CBFA2T3: variants seen among roughly 807,000 people sequenced by gnomAD.
CBFA2T3 encodes the protein CBFA2/RUNX1 partner transcriptional co-repressor 3, also known as transcriptional corepressor CBFA2T3.
CBFA2T3 carries 31 observed loss-of-function variants against 58.6 expected under a neutral mutation model. The observed-to-expected ratio is 0.53, with a 90% CI of 0.40 to 0.71. The LOEUF (loss-of-function observed/expected upper bound fraction) is 0.71, where lower values mean the gene tolerates loss of function less well. Ranked by LOEUF, CBFA2T3 falls within the 30% of genes least tolerant of loss-of-function variation. The pLI, the probability that CBFA2T3 is intolerant of heterozygous loss-of-function variation, is 0.00. For missense variants in CBFA2T3, 1,076 were observed against 963.1 expected, an observed-to-expected ratio of 1.12 and a Z score of -1.55; for synonymous variants, 531 against 421.9, an observed-to-expected ratio of 1.26 and a Z score of -3.17.
In CBFA2T3 at chr16:88,881,379, G is replaced by A; in HGVS notation, c.1314C>T (p.Tyr438=). 1.9e-6 allele frequency: 3 copies of A among 1,595,162 alleles called. No individual in the cohort carries two copies. Among genetic ancestry groups the A allele is most frequent in the Non-Finnish European group, 2.6e-6 (3 of 1,172,716 alleles). The change falls in exon 9 of 12, where the codon TAC becomes TAT. Residue 438 remains tyrosine, a synonymous_variant. Coordinates refer to ENST00000268679, the MANE Select transcript of CBFA2T3 (RefSeq NM_005187.6). ...REELNHWARR[Y]SDAEDTKKGP... ...CCTTCTTTGTGTCCTCGGCGTCGCT[G>A]TAGCGCCGCGCCCAGTGGTTGAGCT...
intron 10 of CBFA2T3, among the ~76,000 whole-genome samples, chr16:88,880,420 C>T (rs919369002): frequency 3.9e-5 from 6 of 152,228 alleles, no homozygotes; most frequent in African/African-American, 7.2e-5. Context: ...GTGCCTGACG[C>T]GCCCAGGCTC....
At chr16:88,930,944 C>A (rs976891561) in intron 1 of CBFA2T3, among the ~76,000 whole-genome samples, 10 of 151,856 alleles carry the variant, frequency 6.6e-5, no homozygotes, top group Non-Finnish European at 7.4e-5. Flanking sequence ...CGTGGCGTTG[C>A]ATTGTGAGTG....
chr16:88,937,866 A>C (rs1409374668), intron 1 of CBFA2T3: 1 of 152,250 alleles, frequency 6.6e-6, no homozygotes, highest in African/African-American at 2.4e-5. Context: ...TGTAGAGTTT[A>C]GGTCCTTTCC....
chr16:88,886,616 C>A (rs1042738119), intron 5 of CBFA2T3: 1 of 153,746 alleles, frequency 6.5e-6, no homozygotes, highest in Non-Finnish European at 1.4e-5. Flanking sequence ...AGGCGGCTCA[C>A]ACGAGGGAGC....
At position 88,899,210 on chromosome 16, in the gene CBFA2T3, C is replaced by T. The variant is rs561099560; in HGVS notation, c.305-1058G>A. Among the ~76,000 whole-genome samples the T allele has an allele frequency of 4.0e-3, 603 of 152,216 alleles. 3 individuals carry two copies. Among genetic ancestry groups the T allele is most frequent in the African/African-American group, 0.012 (498 of 41,526 alleles). On this transcript the variant is annotated intron_variant, in intron 2 of 11. Transcript: ENST00000268679. ...TCAGCTTGGCTCAGAGGCCAGTCCC[C>T]GGGGAGGAGCCTCCCGGCAGGGCTC... is the stretch of plus-strand genomic sequence containing the variant.
chr16:88,959,677 G>T (rs1240672605), intron 1 of CBFA2T3, among the ~76,000 whole-genome samples: 1 of 152,226 alleles, frequency 6.6e-6, no homozygotes, highest in Non-Finnish European at 1.5e-5. Context: ...AGCTGGGAAA[G>T]GCGATGGAGA....
intron 1 of CBFA2T3, among the ~76,000 whole-genome samples, chr16:88,936,350 C>T (rs1317161432): frequency 6.6e-6 from 1 of 152,190 alleles, no homozygotes; most frequent in Non-Finnish European, 1.5e-5. Context: ...GCCTGGACTT[C>T]CTCCCCAAAC....
chr16:88,924,688 A>C (rs1971030081), intron 1 of CBFA2T3, among the ~76,000 whole-genome samples: 1 of 152,226 alleles, frequency 6.6e-6, no homozygotes. Flanking sequence ...CACTCTCGTC[A>C]GACAGCCTCT....
chr16:88,905,948 C>CCCACAG (rs1340214059), intron 1 of CBFA2T3, among the ~76,000 whole-genome samples: 1 of 146,648 alleles, frequency 6.8e-6, no homozygotes, highest in Admixed American at 6.6e-5. Flanking sequence ...GTGGGTCCAC[C>CCCACAG]CCACAGCCAC....
At chr16:88,938,884 G>A (rs1230451847) in intron 1 of CBFA2T3, 2 of 152,210 alleles carry the variant, frequency 1.3e-5, no homozygotes, top group African/African-American at 4.8e-5. Flanking sequence ...GCAGGGAAGG[G>A]GGGAGGCCAG....
At chr16:88,901,453 G>C in intron 2 of CBFA2T3, 51 bp downstream of exon 2, 2 of 1,000,766 alleles carry the variant, frequency 2.0e-6, no homozygotes, top group South Asian at 1.8e-5. Context: ...AACAACACAA[G>C]GGCCTCCCCT....
chr16:88,882,725 T>A lies in CBFA2T3; in HGVS notation c.1154A>T (p.His385Leu). ...TGCCCACTCACGCTCTGTGAGCTTG[T>A]GGTCGATCACTTCTTCCTGCCGGGA... Reference protein sequence around the residue: ...PGSRQEEVIDHKLTEREWAEE... With the variant: ...PGSRQEEVIDLKLTEREWAEE... Residue 385 changes from histidine (H) to leucine (L), a missense_variant, in exon 8 of 12, where the codon CAC (histidine) becomes CTC (leucine). Transcript: ENST00000268679. 1.3e-6 allele frequency: 2 copies of A among 1,590,444 alleles called. No individual in the cohort carries two copies. Among genetic ancestry groups the A allele is most frequent in the Non-Finnish European group, 1.7e-6 (2 of 1,168,664 alleles).
intron 1 of CBFA2T3, among the ~76,000 whole-genome samples, chr16:88,919,495 G>A (rs534349519): frequency 6.6e-6 from 1 of 152,314 alleles, no homozygotes; most frequent in East Asian, 1.9e-4. Flanking sequence ...CATCAGCGTG[G>A]CCTCAGGCGC....
In CBFA2T3 at chr16:88,977,012, C is replaced by T. The variant is rs1972880480; in HGVS notation, c.-205G>A. 1.9e-6 allele frequency: 1 copy of T among 521,872 alleles called. No homozygotes were observed. The highest frequency in any genetic ancestry group is 1.9e-5 in the African/African-American group (1 of 52,970). 32.3% of individuals were successfully genotyped at this position (521,872 alleles called of 1,614,324 possible). On this transcript the variant is annotated 5_prime_UTR_variant, in exon 1 of 12. Transcript: ENST00000268679. ...CTGCCCTGGGGAGGGGGTGGGAGCC[C>T]TGGGGCTCATGTGACGCGGGGCGGG...
intron 1 of CBFA2T3, among the ~76,000 whole-genome samples, chr16:88,912,126 G>A (rs976802834): frequency 6.6e-6 from 1 of 152,242 alleles, no homozygotes; most frequent in African/African-American, 2.4e-5. Context: ...GCCGGCCTCT[G>A]CCTGCAGGCT....
intron 1 of CBFA2T3, among the ~76,000 whole-genome samples, chr16:88,934,182 TGCCCCACGCCCCTC>T (rs1971416102): frequency 7.4e-6 from 1 of 134,274 alleles, no homozygotes; most frequent in Non-Finnish European, 1.5e-5. Flanking sequence ...CGAGAAGGGC[TGCCCCACGCCCCTC>T]GGCACACGGA....
intron 5 of CBFA2T3, chr16:88,886,515 G>A (rs984082448): frequency 8.2e-5 from 15 of 182,176 alleles, no homozygotes; most frequent in East Asian, 6.9e-4. Flanking sequence ...TGGTCTTCCC[G>A]CCTGCACCCG....
intron 1 of CBFA2T3, 124 bp from the exon 2 acceptor site, chr16:88,901,780 CCAGGTGTCCTGA>C: frequency 1.2e-6 from 1 of 826,640 alleles, no homozygotes; most frequent in South Asian, 2.0e-5. Context: ...GCAGTCTGCC[CCAGGTGTCCTGA>C]CAGGTGGCTG....
At chr16:88,916,474 G>A (rs1045274174) in intron 1 of CBFA2T3, among the ~76,000 whole-genome samples, 2 of 152,146 alleles carry the variant, frequency 1.3e-5, no homozygotes, top group African/African-American at 4.8e-5. Flanking sequence ...ATGTGTGCGT[G>A]TGTATTCCTG....
Sources: allele counts gnomAD v4.1 joint callset (sites outside exome capture counted in the v4.1 genomes callset), GRCh38; gene constraint gnomAD v4.1.1; transcripts MANE v1.5; gene names NCBI Gene and HGNC (gene_info 2026-07-23, HGNC 2026-07-21).